Variants in TMEM181 observed in about 807,000 individuals in gnomAD.
The protein encoded by TMEM181 is transmembrane protein 181.
A neutral mutation model predicts 71.9 loss-of-function variants in TMEM181; 39 were observed. The observed-to-expected ratio is 0.54, with a 90% confidence interval of 0.42 to 0.71. The LOEUF (loss-of-function observed/expected upper bound fraction) is 0.71, where lower values mean the gene tolerates loss of function less well. Ranked by LOEUF, TMEM181 falls within the 30% of genes least tolerant of loss-of-function variation. The pLI is 0.00. For synonymous variants in TMEM181, 245 were observed against 228.8 expected, an observed-to-expected ratio of 1.07 and a Z score of -0.64; for missense variants, 595 against 583.0, an observed-to-expected ratio of 1.02 and a Z score of -0.21.
chr6:158,585,621 T>C (rs1195079997), intron 5 of TMEM181, among the ~76,000 whole-genome samples, 196 bp downstream of exon 5: 1 of 152,260 alleles, frequency 6.6e-6, no homozygotes, highest in Admixed American at 6.5e-5. Context: ...TAAAAATTCT[T>C]ATAAACGTAC....
At chr6:158,548,975 A>G (rs888843188) in intron 1 of TMEM181, among the ~76,000 whole-genome samples, 4 of 152,224 alleles carry the variant, frequency 2.6e-5, no homozygotes, top group African/African-American at 9.6e-5. Flanking sequence ...GCTGTGCCAG[A>G]GAGGCAGGGA....
intron 6 of TMEM181, among the ~76,000 whole-genome samples, chr6:158,601,721 T>G (rs1784679004): frequency 6.8e-6 from 1 of 147,246 alleles, no homozygotes; most frequent in South Asian, 2.1e-4. Flanking sequence ...ATCCCGCCAC[T>G]GCAGCCCAGC....
At chr6:158,605,434 A>T (rs1041494354) in intron 7 of TMEM181, 87 bp downstream of exon 7, 26 of 1,222,908 alleles carry the variant, frequency 2.1e-5, no homozygotes, top group Non-Finnish European at 2.9e-5. Context: ...TGCAAGCCAC[A>T]TGGAGATTGA....
intron 5 of TMEM181, among the ~76,000 whole-genome samples, chr6:158,589,347 T>C (rs1545217): frequency 0.51 from 77,432 of 152,140 alleles, 20,826 homozygotes; most frequent in East Asian, 0.76. Context: ...ACGTTTCCCC[T>C]GTGCTCTAGT....
chr6:158,547,297 A>G (rs957425986), intron 1 of TMEM181, among the ~76,000 whole-genome samples: 2 of 152,208 alleles, frequency 1.3e-5, no homozygotes, highest in African/African-American at 4.8e-5. Flanking sequence ...AAATAAATAC[A>G]GAAATACAGA....
chr6:158,579,161 A>T (rs1467938914), intron 2 of TMEM181, among the ~76,000 whole-genome samples: 2 of 152,086 alleles, frequency 1.3e-5, no homozygotes, highest in East Asian at 3.9e-4. Flanking sequence ...TGGGAGGCTG[A>T]GGCAGGAGAA....
At chr6:158,561,949 G>A (rs759785044) in intron 1 of TMEM181, among the ~76,000 whole-genome samples, 1 of 152,230 alleles carries the variant, frequency 6.6e-6, no homozygotes, top group Non-Finnish European at 1.5e-5. Context: ...AGTGCGTCCT[G>A]GACTTAGGTG....
chr6:158,536,739 A>G (rs755109584), exon 1 of TMEM181: 1 of 1,575,760 alleles, frequency 6.3e-7, no homozygotes, highest in South Asian at 1.1e-5. Context: ...CGCGGCATGG[A>G]CGCCGAGTAC....
At chr6:158,631,009 G>A (rs1339842553) in intron 15 of TMEM181, among the ~76,000 whole-genome samples, 1 of 152,218 alleles carries the variant, frequency 6.6e-6, no homozygotes, top group Non-Finnish European at 1.5e-5. Flanking sequence ...CCTCTCCTGG[G>A]GCCTATGTTC....
chr6:158,608,819 C>G (rs1583027105), intron 10 of TMEM181, 69 bp downstream of exon 10: 1 of 1,447,204 alleles, frequency 6.9e-7, no homozygotes, highest in East Asian at 2.3e-5. Flanking sequence ...AAGGCCAGGC[C>G]AGGCGTAGTG....
At position 158,616,696 on chromosome 6, in the gene TMEM181, C is replaced by G. The variant is rs192916562; in HGVS notation, c.897-6854C>G. Among the ~76,000 whole-genome samples, 568 of 152,174 alleles carry G rather than the reference C, an allele frequency of 3.7e-3. 4 individuals carry two copies. Among genetic ancestry groups the G allele is most frequent in the African/African-American group, 0.011 (471 of 41,496 alleles). On this transcript the variant is annotated intron_variant, in intron 10 of 16. Coordinates refer to ENST00000684151, the MANE Select transcript of TMEM181 (RefSeq NM_001376852.1). Reference sequence around the variant, plus strand: ...TTTATTGAGAGTTTTTAGCATGAAGCGCTGTTGAATTTTGTCAGAGGCCTT... The same window carrying G: ...TTTATTGAGAGTTTTTAGCATGAAGGGCTGTTGAATTTTGTCAGAGGCCTT...
chr6:158,557,059 T>TC (rs1178067513), upstream of TMEM181, among the ~76,000 whole-genome samples: 1 of 152,142 alleles, frequency 6.6e-6, no homozygotes, highest in African/African-American at 2.4e-5. Flanking sequence ...TACAAGTGAC[T>TC]CCATTTTAAT....
At chr6:158,542,230 C>G (rs893690234) in intron 1 of TMEM181, among the ~76,000 whole-genome samples, 7 of 152,090 alleles carry the variant, frequency 4.6e-5, no homozygotes, top group Non-Finnish European at 8.8e-5. Context: ...AATCACACAG[C>G]CAGAGGCTAA....
intron 10 of TMEM181, among the ~76,000 whole-genome samples, chr6:158,612,368 G>T (rs1785381059): frequency 1.3e-5 from 2 of 152,314 alleles, no homozygotes; most frequent in South Asian, 2.1e-4. Context: ...CCTGCTGGGT[G>T]GGAGAGGTAG....
At chr6:158,609,203 A>G (rs7749123) in intron 10 of TMEM181, among the ~76,000 whole-genome samples, 74,797 of 151,884 alleles carry the variant, frequency 0.49, 19,407 homozygotes, top group East Asian at 0.75. Context: ...CACAGTAGAC[A>G]CCCCTTATTT....
At chr6:158,619,581 A>G (rs921852603) in intron 10 of TMEM181, among the ~76,000 whole-genome samples, 4 of 152,154 alleles carry the variant, frequency 2.6e-5, no homozygotes, top group East Asian at 1.9e-4. Flanking sequence ...TTGTAAGAGA[A>G]GGATGTTGGC....
chr6:158,569,426 T>G (rs1562625421), intron 1 of TMEM181, among the ~76,000 whole-genome samples: 1 of 152,204 alleles, frequency 6.6e-6, no homozygotes, highest in Non-Finnish European at 1.5e-5. Context: ...TTATGTTGTT[T>G]TCTCTGTCTT....
upstream of TMEM181, among the ~76,000 whole-genome samples, chr6:158,558,189 C>T (rs1781975948): frequency 6.6e-6 from 1 of 152,142 alleles, no homozygotes; most frequent in African/African-American, 2.4e-5. Flanking sequence ...CTGGAGATGC[C>T]TCAGGAGAGA....
chr6:158,623,645 A>C (rs751442938), intron 11 of TMEM181, 38 bp downstream of exon 11: 2 of 1,436,002 alleles, frequency 1.4e-6, no homozygotes, highest in Non-Finnish European at 1.9e-6. Flanking sequence ...TTTTCTTCTT[A>C]ATGCTGTTTT....
Sources: allele counts gnomAD v4.1 joint callset (sites outside exome capture counted in the v4.1 genomes callset), GRCh38; gene constraint gnomAD v4.1.1; transcripts MANE v1.5; gene names NCBI Gene and HGNC (gene_info 2026-07-23, HGNC 2026-07-21).